The following WWOX variants were observed in gnomAD, a reference collection of about 807,000 sequenced individuals.
WWOX encodes the protein WW domain-containing oxidoreductase.
WWOX carries 69 observed loss-of-function variants against 46.2 expected under a neutral mutation model. The observed-to-expected ratio is 1.49, with a 90% CI of 1.23 to 1.82. The LOEUF is 1.82. Ranked by LOEUF, WWOX falls within the 40% of genes most tolerant of loss-of-function variation. WWOX has a pLI of 0.00. For synonymous variants in WWOX, 359 were observed against 202.6 expected (o/e 1.77, Z -6.56); for missense variants, 919 against 542.6 (o/e 1.69, Z -6.89).
intron 8 of WWOX, among the ~76,000 whole-genome samples, chr16:78,564,983 A>G (rs1461875400): frequency 3.3e-5 from 5 of 152,186 alleles, no homozygotes. Context: ...AAACAACATC[A>G]AAGGATACAC....
intron 8 of WWOX, among the ~76,000 whole-genome samples, chr16:79,163,385 A>G (rs1031827192): frequency 2.0e-5 from 3 of 152,230 alleles, no homozygotes; most frequent in East Asian, 1.9e-4. Context: ...TAGTAGAAGT[A>G]GGAATCGTCA....
rs78985708 is a variant in WWOX at position 78,446,344 on chromosome 16, C to G, written c.1056+13592C>G. The stretch of plus-strand genomic sequence containing the variant: ...AAGGTCGAATTTTGCCACTTACTTT[C>G]TCCATGGCCTTGGTCAACATCCTGA... On this transcript the variant is annotated intron_variant, in intron 8 of 8. Coordinates refer to ENST00000566780, the MANE Select transcript of WWOX (RefSeq NM_016373.4). Among the ~76,000 whole-genome samples, 23 of 152,284 alleles carry G rather than the reference C, an allele frequency of 1.5e-4. No homozygotes were observed. The East Asian group carries it at 4.3e-3, about 28-fold the overall frequency.
intron 8 of WWOX, among the ~76,000 whole-genome samples, chr16:78,711,778 G>A (rs553947986): frequency 8.5e-4 from 129 of 152,162 alleles, no homozygotes; most frequent in African/African-American, 2.8e-3. Context: ...AAGAGTGAGC[G>A]CACAGGAGCC....
intron 5 of WWOX, among the ~76,000 whole-genome samples, chr16:78,376,272 G>A (rs943948827): frequency 2.6e-5 from 4 of 152,184 alleles, no homozygotes; most frequent in Non-Finnish European, 5.9e-5. Context: ...AGTTCACAAA[G>A]CTAGTGAAGT....
intron 8 of WWOX, among the ~76,000 whole-genome samples, chr16:78,640,667 G>C (rs542270041): frequency 2.0e-5 from 3 of 152,296 alleles, no homozygotes; most frequent in African/African-American, 7.2e-5. Flanking sequence ...GGCCGGGCAT[G>C]GTGGCTCACG....
chr16:79,175,250 T>C (rs888009410), intron 8 of WWOX, among the ~76,000 whole-genome samples: 3 of 152,348 alleles, frequency 2.0e-5, no homozygotes, highest in African/African-American at 4.8e-5. Flanking sequence ...TTCTCAGTGA[T>C]GAAATGTTAC....
At chr16:79,127,378 C>T (rs570349386) in intron 8 of WWOX, among the ~76,000 whole-genome samples, 2 of 152,168 alleles carry the variant, frequency 1.3e-5, no homozygotes, top group South Asian at 2.1e-4. Context: ...TTGCTATACA[C>T]ACCTTGCTCT....
chr16:78,167,078 A>G (rs2034998696), intron 5 of WWOX: 1 of 152,224 alleles, frequency 6.6e-6, no homozygotes, highest in South Asian at 2.1e-4. Context: ...TCATGTTTAA[A>G]CCAGTCTTGG....
intron 8 of WWOX, among the ~76,000 whole-genome samples, chr16:78,549,583 C>G (rs2044128256): frequency 6.6e-6 from 1 of 152,108 alleles, no homozygotes; most frequent in Admixed American, 6.5e-5. Flanking sequence ...GACATGTGGC[C>G]ACTCCAGACC....
At chr16:79,094,968 T>C (rs1253523954) in intron 8 of WWOX, among the ~76,000 whole-genome samples, 3 of 152,160 alleles carry the variant, frequency 2.0e-5, no homozygotes, top group Non-Finnish European at 4.4e-5. Context: ...AGCTTCTGAA[T>C]TCTTCGGGCA....
chr16:78,475,435 C>T (rs895913042), intron 8 of WWOX, among the ~76,000 whole-genome samples: 1 of 151,944 alleles, frequency 6.6e-6, no homozygotes, highest in Non-Finnish European at 1.5e-5. Flanking sequence ...AGTTTTTTTC[C>T]CAGAGTTTTG....
At chr16:78,586,097 C>A (rs912862453) in intron 8 of WWOX, among the ~76,000 whole-genome samples, 1 of 152,108 alleles carries the variant, frequency 6.6e-6, no homozygotes, top group African/African-American at 2.4e-5. Context: ...TGGCTTATAC[C>A]TGTAATCCCA....
At chr16:79,096,760 T>A (rs989058098) in intron 8 of WWOX, among the ~76,000 whole-genome samples, 1 of 152,210 alleles carries the variant, frequency 6.6e-6, no homozygotes, top group Non-Finnish European at 1.5e-5. Context: ...TGTTTATGCC[T>A]GCATCCCCAT....
chr16:78,354,114 A>G (rs891223085), intron 5 of WWOX, among the ~76,000 whole-genome samples: 1 of 152,190 alleles, frequency 6.6e-6, no homozygotes, highest in Admixed American at 6.5e-5. Context: ...CAGTAGTTCC[A>G]GTGGGTTCAT....
At chr16:79,054,766 C>T (rs914429272) in intron 8 of WWOX, among the ~76,000 whole-genome samples, 1 of 152,140 alleles carries the variant, frequency 6.6e-6, no homozygotes, top group African/African-American at 2.4e-5. Context: ...GTGGAGGCTG[C>T]TGTGAACTGT....
chr16:78,219,202 T>TA (rs202068400), intron 5 of WWOX, among the ~76,000 whole-genome samples: 14,365 of 146,866 alleles, frequency 0.098, 817 homozygotes, highest in Admixed American at 0.18. Flanking sequence ...GGAGCAGAGT[T>TA]AAAAAAAAAA....
chr16:78,904,028 T>G (rs778012370), intron 8 of WWOX, among the ~76,000 whole-genome samples: 18 of 152,042 alleles, frequency 1.2e-4, no homozygotes, highest in Non-Finnish European at 2.2e-4. Context: ...CATCAACACC[T>G]TTACCCTGTT....
chr16:78,595,699 C>T (rs1306385306), intron 8 of WWOX, among the ~76,000 whole-genome samples: 1 of 152,198 alleles, frequency 6.6e-6, no homozygotes, highest in Non-Finnish European at 1.5e-5. Context: ...TAGCTGCTGG[C>T]AGAAACCTGC....
chr16:78,381,560 AG>A (rs59599528), intron 5 of WWOX, among the ~76,000 whole-genome samples: 141,210 of 152,266 alleles, frequency 0.93, 65,788 homozygotes, highest in African/African-American at 0.98. Flanking sequence ...AATGATGGGT[AG>A]GTAGAGTCTG....
Sources: gnomAD v4.1 joint callset for allele counts (sites outside exome capture counted in the v4.1 genomes callset) on GRCh38, gnomAD v4.1.1 for gene constraint, MANE v1.5 for transcripts, NCBI Gene and HGNC (gene_info 2026-07-23, HGNC 2026-07-21) for gene names.